Variants in PKNOX1 observed in about 807,000 individuals in gnomAD.
PKNOX1 encodes the protein PBX/knotted 1 homeobox 1, also known as homeobox protein PKNOX1.
PKNOX1 carries 15 observed loss-of-function variants against 51.9 expected under a neutral mutation model. That is an observed-to-expected ratio of 0.29 (90% confidence interval 0.19 to 0.45). PKNOX1 has a LOEUF of 0.45. PKNOX1 is among the 20% of genes least tolerant of loss of function. The probability of loss-of-function intolerance (pLI) is 1.00; values close to 1 mark genes in which losing one functional copy is unlikely to be tolerated. For missense variants in PKNOX1, 462 were observed against 547.5 expected (o/e 0.84, Z 1.56); for synonymous variants, 219 against 211.1 (o/e 1.04, Z -0.32).
At chr21:42,990,292 C>T (rs1788473) in intron 1 of PKNOX1, among the ~76,000 whole-genome samples, 31,990 of 151,948 alleles carry the variant, frequency 0.21, 3,717 homozygotes, top group Non-Finnish European at 0.25. Flanking sequence ...TAATAAGTAA[C>T]GATCCACTGT....
In PKNOX1 at chr21:43,030,139, A is replaced by G; in HGVS notation, c.*38A>G. 7.0e-7 allele frequency: 1 copy of G among 1,434,864 alleles called. No individual in the cohort carries two copies. 88.9% of individuals were successfully genotyped at this position (1,434,864 alleles called of 1,614,324 possible). On this transcript the variant is annotated 3_prime_UTR_variant, in exon 11 of 11. Coordinates refer to ENST00000291547, the MANE Select transcript of PKNOX1 (RefSeq NM_004571.5). ...ACGCACCTGACTTTTTGGAGTTTGCACAGCAAACATTTTACACAGTTTTAT... is the reference window on the plus strand; with the variant it reads ...ACGCACCTGACTTTTTGGAGTTTGCGCAGCAAACATTTTACACAGTTTTAT...
intron 1 of PKNOX1, among the ~76,000 whole-genome samples, chr21:42,984,974 CTTTTTTTTTTTTTTTTTTTT>C (rs71195904): frequency 1.7e-5 from 1 of 57,998 alleles, no homozygotes. Flanking sequence ...ATTTTCTTTT[CTTTTTTTTTTTTTTTTTTTT>C]TTTTTTTGAG....
At chr21:43,022,320 G>C (rs1345682627) in intron 8 of PKNOX1, among the ~76,000 whole-genome samples, 1 of 152,212 alleles carries the variant, frequency 6.6e-6, no homozygotes, top group African/African-American at 2.4e-5. Context: ...TCAGCACTCT[G>C]TCCTTGCCCT....
intron 1 of PKNOX1, among the ~76,000 whole-genome samples, chr21:42,977,907 G>A (rs2059005830): frequency 6.6e-6 from 1 of 151,962 alleles, no homozygotes; most frequent in Non-Finnish European, 1.5e-5. Context: ...GAAAACTTGG[G>A]CCTGGTTCTC....
intron 2 of PKNOX1, among the ~76,000 whole-genome samples, chr21:43,004,823 C>T (rs566975675): frequency 1.1e-4 from 16 of 152,174 alleles, no homozygotes; most frequent in Admixed American, 9.8e-4. Flanking sequence ...AGCCTCGTCT[C>T]CCCAGTTGTA....
intron 3 of PKNOX1, among the ~76,000 whole-genome samples, chr21:43,008,061 T>TCTCTCACACACACACACACA (rs59792199): frequency 1.6e-3 from 230 of 146,876 alleles, no homozygotes; most frequent in South Asian, 3.5e-3. Context: ...CAAAACTCTG[T>TCTCTCACACACACACACACA]CACACACACA....
At chr21:42,994,945 A>T (rs1893600) in intron 1 of PKNOX1, among the ~76,000 whole-genome samples, 1 of 138,956 alleles carries the variant, frequency 7.2e-6, no homozygotes, top group Non-Finnish European at 1.5e-5. Context: ...TTTTTAAGAC[A>T]GAGTCTTGCT....
At chr21:43,005,181 G>A (rs1356949434) in intron 2 of PKNOX1, among the ~76,000 whole-genome samples, 3 of 152,166 alleles carry the variant, frequency 2.0e-5, no homozygotes, top group Non-Finnish European at 4.4e-5. Flanking sequence ...ATTTGGCCCT[G>A]CCCTTTACTT....
At chr21:43,016,881 C>T in intron 5 of PKNOX1, 27 bp from the exon 6 acceptor site, 2 of 1,467,458 alleles carry the variant, frequency 1.4e-6, no homozygotes, top group East Asian at 2.3e-5. Flanking sequence ...CTAGTAATTC[C>T]TTCAACATGT....
At position 43,018,199 on chromosome 21, in the gene PKNOX1, C is replaced by T. The variant is rs781208954; in HGVS notation, c.689C>T (p.Ser230Leu). Reference sequence around the variant, plus strand: ...GGCCAAGTGGTCACACAGACATTGTCGCCTGGGACAATTAGGATCCAGAAC... The same window carrying T: ...GGCCAAGTGGTCACACAGACATTGTTGCCTGGGACAATTAGGATCCAGAAC... ...PQGQVVTQTL[S>L]PGTIRIQNSQ... Residue 230 changes from serine to leucine, a missense_variant, in exon 7 of 11, where the codon TCG becomes TTG. Ser to Leu is a moderately radical substitution (Grantham distance 145). Around this residue, in one of 5 missense-constraint regions of PKNOX1, gnomAD observed 126 missense variants for 128.1 expected, o/e 0.98. Transcript: ENST00000291547. 5.6e-6 allele frequency: 9 copies of T among 1,613,750 alleles called. No individual in the cohort carries two copies. Among genetic ancestry groups the T allele is most frequent in the South Asian group, 2.2e-5 (2 of 91,058 alleles).
rs902881447 is a variant in PKNOX1, at chr21:43,025,052, T to C, written c.926+105T>C. On this transcript the variant is annotated intron_variant, in intron 9 of 10. Coordinates refer to ENST00000291547, the MANE Select transcript of PKNOX1 (RefSeq NM_004571.5). ...TCTTGCTGAAAATAGGAGGTCTCTC[T>C]TTTTCTTTTTTCCCAACTGAGACGG... 271 of 725,016 alleles carry C rather than the reference T, an allele frequency of 3.7e-4. 1 individual carries two copies. The highest frequency in any genetic ancestry group is 6.2e-4 in the Admixed American group (26 of 41,744). The allele number at this position is 725,016 out of a possible 1,614,324, so 44.9% of individuals were successfully genotyped here. A position where few individuals can be genotyped will look rare whatever the true frequency, so the allele number is the denominator to read the frequency against.
chr21:43,018,047 CAAA>C (rs60175567), intron 6 of PKNOX1, 83 bp from the exon 7 acceptor site: 884 of 279,140 alleles, frequency 3.2e-3, no homozygotes, highest in East Asian at 5.6e-3. Context: ...CCTGTCTCTA[CAAA>C]AAAAAAAAAA....
intron 1 of PKNOX1, among the ~76,000 whole-genome samples, chr21:43,001,340 T>G (rs1249385678): frequency 2.0e-5 from 3 of 152,216 alleles, no homozygotes; most frequent in Non-Finnish European, 2.9e-5. Flanking sequence ...TCCCCCGGGC[T>G]GTGAGATTGC....
chr21:43,027,324 ATGT>A (rs1980026314), intron 9 of PKNOX1, among the ~76,000 whole-genome samples: 1 of 152,166 alleles, frequency 6.6e-6, no homozygotes, highest in Non-Finnish European at 1.5e-5. Flanking sequence ...CACGGGACAG[ATGT>A]TGTTTTTCTT....
Position 43,013,086 on chromosome 21 carries a change from G to C in PKNOX1, c.370G>C (p.Val124Leu). 1 of 1,610,442 alleles carries C rather than the reference G, an allele frequency of 6.2e-7. No homozygotes were observed. The highest frequency in any genetic ancestry group is 2.2e-5 in the East Asian group (1 of 44,754). The part of the protein sequence containing the change: ...TDNLMVKAIQ[V>L]LRIHLLELEK... ...GCTCTAGATGGTAAAAGCAATCCAG[G>C]TTTTGCGCATTCATCTTCTTGAGCT... is the stretch of plus-strand genomic sequence containing the variant. Residue 124 changes from valine (V) to leucine (L), a missense_variant, in exon 5 of 11, where the codon GTT (valine) becomes CTT (leucine). Physicochemically the swap from Val to Leu is conservative, Grantham distance 32. Transcript: ENST00000291547.
At chr21:43,005,289 C>T (rs2839616) in intron 2 of PKNOX1, among the ~76,000 whole-genome samples, 97,443 of 151,946 alleles carry the variant, frequency 0.64, 31,445 homozygotes, top group Middle Eastern at 0.73. Flanking sequence ...GGAAAACTCA[C>T]TGGAGCCATG....
intron 1 of PKNOX1, among the ~76,000 whole-genome samples, chr21:42,977,310 C>G (rs2146214515): frequency 6.6e-6 from 1 of 152,278 alleles, no homozygotes; most frequent in Non-Finnish European, 1.5e-5. Flanking sequence ...ACTGAGTTCT[C>G]TCTAGGTATG....
intron 1 of PKNOX1, among the ~76,000 whole-genome samples, chr21:42,993,875 G>C (rs1978358061): frequency 6.6e-6 from 1 of 151,612 alleles, no homozygotes; most frequent in African/African-American, 2.4e-5. Context: ...TGGGATTACA[G>C]GCACACGCCA....
chr21:42,977,104 C>T (rs13046609), intron 1 of PKNOX1, among the ~76,000 whole-genome samples: 5,785 of 152,236 alleles, frequency 0.038, 140 homozygotes, highest in Middle Eastern at 0.061. Flanking sequence ...TTTTTCTGAG[C>T]AGTGGATCTC....
Sources: gnomAD v4.1 joint callset for allele counts (sites outside exome capture counted in the v4.1 genomes callset) on GRCh38, gnomAD v4.1.1 for gene constraint, gnomAD v4.1.1 regional missense constraint, MANE v1.5 for transcripts, NCBI Gene and HGNC (gene_info 2026-07-23, HGNC 2026-07-21) for gene names.